TLR5: variants seen among roughly 807,000 people sequenced by gnomAD.
TLR5 encodes the protein toll-like receptor 5.
For synonymous variants in TLR5, 373 were observed against 384.4 expected, an observed-to-expected ratio of 0.97 and a Z score of 0.35; for missense variants, 944 against 999.8, an observed-to-expected ratio of 0.94 and a Z score of 0.75.
chr1:223,113,639 T>C (rs1037933997), intron 5 of TLR5, among the ~76,000 whole-genome samples: 2 of 152,146 alleles, frequency 1.3e-5, no homozygotes, highest in East Asian at 1.9e-4. Context: ...AAAATAAAAA[T>C]ATAGAGATGG....
Position 223,110,298 on chromosome 1 carries a change from C to G in TLR5, c.*157G>C. On this transcript the variant is annotated 3_prime_UTR_variant, in exon 6 of 6. Coordinates refer to ENST00000642603, the MANE Select transcript of TLR5 (RefSeq NM_003268.6). The stretch of plus-strand genomic sequence containing the variant: ...CCATTTGGAGGTTAGTGAGACAGAA[C>G]ATGGTGTTGATACGAAAATTGAGAG... 1 of 727,400 alleles carries G rather than the reference C, an allele frequency of 1.4e-6. No individual in the cohort carries two copies. The allele number at this position is 727,400 out of a possible 1,614,324, so 45.1% of individuals were successfully genotyped here. A position where few individuals can be genotyped will look rare whatever the true frequency, so the allele number is the denominator to read the frequency against.
chr1:223,132,163 T>C lies in TLR5; in HGVS notation c.-5+312A>G, dbSNP rs5744162. 8.6e-3 allele frequency among the ~76,000 whole-genome samples: 1,306 copies of C among 152,134 alleles called. 14 individuals carry two copies. Among genetic ancestry groups the C allele is most frequent in the African/African-American group, 0.03 (1,256 of 41,502 alleles). On this transcript the variant is annotated intron_variant, in intron 5 of 5. Transcript: ENST00000642603. ...GGACTGCTTGAGCCCAGGAGTTCTA[T>C]ACCACCCTGGGCCACATAGTGAGAC...
rs1361239275 is a variant in TLR5 at position 223,112,457 on chromosome 1, G to C, written c.575C>G (p.Pro192Arg). ...AAAGGAGAGCGTTTTCCCTTGTAGG[G>C]GCTCGAGCTCATGTTCACATACAAG... ...IFLVCEHELE[P>R]LQGKTLSFFS... Residue 192 changes from proline to arginine, a missense_variant, in exon 6 of 6, where the codon CCC (proline) becomes CGC (arginine). Physicochemically the swap from Pro to Arg is moderately radical, Grantham distance 103. Coordinates refer to ENST00000642603, the MANE Select transcript of TLR5 (RefSeq NM_003268.6). 6 of 1,614,196 alleles carry C rather than the reference G, an allele frequency of 3.7e-6. No individual in the cohort carries two copies. The highest frequency in any genetic ancestry group is 4.2e-6 in the Non-Finnish European group (5 of 1,180,038).
At chr1:223,125,041 A>T (rs1383438232) in intron 5 of TLR5, among the ~76,000 whole-genome samples, 3 of 152,184 alleles carry the variant, frequency 2.0e-5, no homozygotes, top group Admixed American at 2.0e-4. Flanking sequence ...TATTTTGTGT[A>T]TTCTTTTGTG....
chr1:223,116,567 A>G (rs1376897349), intron 5 of TLR5, among the ~76,000 whole-genome samples: 1 of 152,182 alleles, frequency 6.6e-6, no homozygotes. Context: ...GCAAAAGAAC[A>G]AACCTTCCAC....
In TLR5 at chr1:223,111,310, C is replaced by T. The variant is rs1246366160; in HGVS notation, c.1722G>A (p.Leu574=). 1 of 1,614,092 alleles carries T rather than the reference C, an allele frequency of 6.2e-7. No homozygotes were observed. The highest frequency in any genetic ancestry group is 1.3e-5 in the African/African-American group (1 of 75,010). ...NPDVFVSLSV[L]DITHNKFICE... ...AAATGAACTTGTTATGAGTTATATC[C>T]AAGACACTAAGTGATACAAATACAT... The change falls in exon 6 of 6, where the codon TTG becomes TTA. Residue 574 remains leucine (L), a synonymous_variant. Transcript: ENST00000642603.
chr1:223,117,126 G>A (rs578010206), intron 5 of TLR5, among the ~76,000 whole-genome samples: 11 of 152,252 alleles, frequency 7.2e-5, no homozygotes, highest in Admixed American at 2.6e-4. Context: ...GAGGCCCGTC[G>A]AGAATTCGAG....
At chr1:223,123,940 C>T (rs1657050905) in intron 5 of TLR5, 1 of 152,190 alleles carries the variant, frequency 6.6e-6, no homozygotes, top group Admixed American at 6.5e-5. Flanking sequence ...CTAAAATTCT[C>T]AAGGGGGCAG....
chr1:223,113,762 C>A (rs547626317), intron 5 of TLR5, among the ~76,000 whole-genome samples: 6 of 152,268 alleles, frequency 3.9e-5, no homozygotes, highest in Non-Finnish European at 7.4e-5. Flanking sequence ...ACCCTGCCTT[C>A]ACTTAATCCT....
At chr1:223,119,291 C>T (rs1213534460) in intron 5 of TLR5, among the ~76,000 whole-genome samples, 1 of 152,066 alleles carries the variant, frequency 6.6e-6, no homozygotes, top group Non-Finnish European at 1.5e-5. Context: ...CTCAAAATTC[C>T]CTCAGAACCT....
intron 1 of TLR5, among the ~76,000 whole-genome samples, chr1:223,142,508 A>G (rs1657920929): frequency 6.6e-6 from 1 of 152,046 alleles, no homozygotes; most frequent in Non-Finnish European, 1.5e-5. Flanking sequence ...GCAACCACCA[A>G]TCACCCAAGC....
chr1:223,110,765 C>A lies in TLR5; in HGVS notation c.2267G>T (p.Cys756Phe), dbSNP rs1181125477. ...TCTAAGGAAGTGTCTGCTCACAAGACAAACGATCTTTCTACTGTTCCAGAT... is the reference window on the plus strand; with the variant it reads ...TCTAAGGAAGTGTCTGCTCACAAGAAAAACGATCTTTCTACTGTTCCAGAT... ...DAIWNSRKIV[C>F]LVSRHFLRDG... Residue 756 changes from cysteine to phenylalanine, a missense_variant, in exon 6 of 6, where the codon TGT becomes TTT. Coordinates refer to ENST00000642603, the MANE Select transcript of TLR5 (RefSeq NM_003268.6). 1.2e-6 allele frequency: 2 copies of A among 1,614,236 alleles called. No homozygotes were observed. The highest frequency in any genetic ancestry group is 1.7e-5 in the Admixed American group (1 of 60,034).
At position 223,110,373 on chromosome 1, in the gene TLR5, G is replaced by A; in HGVS notation, c.*82C>T. On this transcript the variant is annotated 3_prime_UTR_variant, in exon 6 of 6. Transcript: ENST00000642603. ...AAAAGAAAAAAAAAACCTCCAGAGA[G>A]GACCCCAAAATGATAACTTGGTGCA... 1.3e-6 allele frequency: 2 copies of A among 1,488,666 alleles called. No homozygotes were observed. Among genetic ancestry groups the A allele is most frequent in the Admixed American group, 3.5e-5 (2 of 57,888 alleles). The allele number at this position is 1,488,666 out of a possible 1,614,324, so 92.2% of individuals were successfully genotyped here. A position where few individuals can be genotyped will look rare whatever the true frequency, so the allele number is the denominator to read the frequency against.
At chr1:223,143,010 G>A (rs1470025403) in intron 1 of TLR5, among the ~76,000 whole-genome samples, 186 bp downstream of exon 1, 1 of 152,156 alleles carries the variant, frequency 6.6e-6, no homozygotes, top group African/African-American at 2.4e-5. Flanking sequence ...CGTCTCGCGG[G>A]TGCCGCGGGG....
intron 5 of TLR5, among the ~76,000 whole-genome samples, chr1:223,119,709 C>T (rs1656849722): frequency 6.6e-6 from 1 of 151,822 alleles, no homozygotes; most frequent in South Asian, 2.1e-4. Context: ...CCTGTAATCC[C>T]AGCACTTTGG....
At chr1:223,129,514 GC>G (rs1409278253) in intron 5 of TLR5, 1 of 152,270 alleles carries the variant, frequency 6.6e-6, no homozygotes. Flanking sequence ...ACCGTGTCAG[GC>G]CCGCGAGGAG....
chr1:223,139,699 C>T (rs771476118), intron 2 of TLR5, among the ~76,000 whole-genome samples: 14 of 151,992 alleles, frequency 9.2e-5, no homozygotes, highest in Non-Finnish European at 1.3e-4. Flanking sequence ...ATGCTGGGGG[C>T]AGATCAAGAA....
In TLR5 at chr1:223,112,683, C is replaced by T. The variant is rs1656419793; in HGVS notation, c.349G>A (p.Gly117Arg). 6.2e-7 allele frequency: 1 copy of T among 1,614,060 alleles called. No homozygotes were observed. Among genetic ancestry groups the T allele is most frequent in the Admixed American group, 1.7e-5 (1 of 59,990 alleles). ...IYFLHPDAFQ[G>R]LFHLFELRLY... ...CTAAGTTCAAACAGATGGAACAGTC[C>T]CTGAAAAGCATCTGGATGCAAGAAG... Residue 117 changes from glycine to arginine, a missense_variant, in exon 6 of 6, where the codon GGA becomes AGA. By Grantham distance (125) the Gly-to-Arg change is moderately radical. Transcript: ENST00000642603.
At chr1:223,138,680 A>C (rs553522281) in intron 2 of TLR5, among the ~76,000 whole-genome samples, 2 of 152,320 alleles carry the variant, frequency 1.3e-5, no homozygotes, top group East Asian at 3.9e-4. Context: ...GGAAACAAAA[A>C]AATTTTTGCG....
Sources: gnomAD v4.1 joint callset for allele counts (sites outside exome capture counted in the v4.1 genomes callset) on GRCh38, gnomAD v4.1.1 for gene constraint, MANE v1.5 for transcripts, NCBI Gene and HGNC (gene_info 2026-07-23, HGNC 2026-07-21) for gene names.